Variants in GSK3B observed in about 807,000 individuals in gnomAD.
GSK3B encodes the protein glycogen synthase kinase-3 beta.
In GSK3B, 15 loss-of-function variants were observed where a neutral mutation model predicts 56.4. The observed-to-expected ratio is 0.27, with a 90% confidence interval of 0.18 to 0.41. The LOEUF (loss-of-function observed/expected upper bound fraction) is 0.41. Ranked by LOEUF, GSK3B falls within the 10% of genes least tolerant of loss-of-function variation. The pLI is 1.00. For synonymous variants in GSK3B, 181 were observed against 188.9 expected, an observed-to-expected ratio of 0.96 and a Z score of 0.34; for missense variants, 300 against 513.4, an observed-to-expected ratio of 0.58 and a Z score of 4.02.
intron 1 of GSK3B, among the ~76,000 whole-genome samples, chr3:120,051,152 GAA>G (rs111274518): frequency 0.025 from 3,759 of 147,532 alleles, 164 homozygotes; most frequent in African/African-American, 0.088. Context: ...TAATGATGGA[GAA>G]AAAAATCAGT....
chr3:119,852,095 T>C (rs956828783), intron 9 of GSK3B, among the ~76,000 whole-genome samples: 2 of 152,150 alleles, frequency 1.3e-5, no homozygotes, highest in African/African-American at 2.4e-5. Flanking sequence ...ATCAGACAAA[T>C]AGTAAGCAAA....
In GSK3B at chr3:119,825,506, T is replaced by C. The variant is rs1402904487; in HGVS notation, c.*1282A>G. On this transcript the variant is annotated 3_prime_UTR_variant, in exon 11 of 11. Transcript: ENST00000264235. ...AAAAAGGCAGTATTGAATATATGTA[T>C]ATATAACATATATACACACATTTAT... is the stretch of plus-strand genomic sequence containing the variant. The C allele has an allele frequency of 8.8e-6, 2 of 227,150 alleles. No homozygotes were observed. Among genetic ancestry groups the C allele is most frequent in the African/African-American group, 4.4e-5 (2 of 44,990 alleles). The allele number at this position is 227,150 out of a possible 1,614,324, so 14.1% of individuals were successfully genotyped here.
chr3:119,995,527 C>T (rs960516882), intron 2 of GSK3B, among the ~76,000 whole-genome samples: 1 of 151,328 alleles, frequency 6.6e-6, no homozygotes, highest in Non-Finnish European at 1.5e-5. Flanking sequence ...TGCAGTGGCG[C>T]GATCTCAGCT....
chr3:119,874,236 A>T (rs2056281132), intron 8 of GSK3B, among the ~76,000 whole-genome samples: 1 of 152,048 alleles, frequency 6.6e-6, no homozygotes. Flanking sequence ...TCTACAGGGG[A>T]TATGTCCCCA....
intron 3 of GSK3B, among the ~76,000 whole-genome samples, chr3:119,937,310 A>C (rs141232019): frequency 9.7e-4 from 148 of 152,160 alleles, no homozygotes; most frequent in Middle Eastern, 3.4e-3. Flanking sequence ...CTTGGTAATG[A>C]ATGTGTTCTC....
intron 2 of GSK3B, among the ~76,000 whole-genome samples, chr3:119,987,533 T>C (rs967638204): frequency 1.3e-5 from 2 of 152,206 alleles, no homozygotes; most frequent in Non-Finnish European, 2.9e-5. Context: ...AAATTCTGTG[T>C]GTAAACATAT....
intron 2 of GSK3B, among the ~76,000 whole-genome samples, chr3:119,949,793 CAAAAAAA>C (rs927567102): frequency 4.8e-5 from 3 of 62,348 alleles, no homozygotes; most frequent in Admixed American, 3.9e-4. Context: ...GACTCCGTCT[CAAAAAAA>C]AAAAAAAAAA....
At chr3:120,020,916 G>A (rs960361584) in intron 1 of GSK3B, among the ~76,000 whole-genome samples, 2 of 152,186 alleles carry the variant, frequency 1.3e-5, no homozygotes, top group Non-Finnish European at 2.9e-5. Context: ...TTGCTGATAC[G>A]GAGAAAGTCT....
intron 2 of GSK3B, among the ~76,000 whole-genome samples, chr3:119,979,395 C>T (rs1325358948): frequency 6.6e-6 from 1 of 152,096 alleles, no homozygotes; most frequent in African/African-American, 2.4e-5. Flanking sequence ...TTCTTATCCC[C>T]CTGCATCTGC....
chr3:119,952,095 C>A lies in GSK3B; in HGVS notation c.283-4744G>T, dbSNP rs2057162529. ...ACACATATCAACATATGTGTAAAAGCAGAACTGGAAAAAGAGAAAGGAGAA... is the reference window on the plus strand; with the variant it reads ...ACACATATCAACATATGTGTAAAAGAAGAACTGGAAAAAGAGAAAGGAGAA... On this transcript the variant is annotated intron_variant, in intron 2 of 10. Coordinates refer to ENST00000264235, the MANE Select transcript of GSK3B (RefSeq NM_001146156.2). 2.0e-5 allele frequency among the ~76,000 whole-genome samples: 3 copies of A among 151,930 alleles called. No individual in the cohort carries two copies. In the South Asian group the frequency reaches 6.2e-4, roughly 32 times the overall value.
intron 1 of GSK3B, among the ~76,000 whole-genome samples, chr3:120,032,695 C>T (rs899596540): frequency 1.2e-4 from 18 of 151,732 alleles, no homozygotes; most frequent in African/African-American, 4.4e-4. Context: ...ATATACGTGG[C>T]TTGCAATATA....
At chr3:119,898,136 T>C (rs933183613) in intron 7 of GSK3B, among the ~76,000 whole-genome samples, 35 of 152,168 alleles carry the variant, frequency 2.3e-4, no homozygotes, top group African/African-American at 8.2e-4. Flanking sequence ...TAGCCTACAG[T>C]TGGGCAAAAT....
intron 7 of GSK3B, among the ~76,000 whole-genome samples, chr3:119,888,869 G>A (rs1409907606): frequency 6.6e-6 from 1 of 152,148 alleles, no homozygotes; most frequent in Admixed American, 6.6e-5. Context: ...TAGAGATAAG[G>A]ACTGAAATCC....
intron 2 of GSK3B, among the ~76,000 whole-genome samples, chr3:119,953,662 G>C (rs1192172815): frequency 3.9e-5 from 6 of 152,080 alleles, no homozygotes; most frequent in African/African-American, 1.4e-4. Flanking sequence ...ATTATCGCTA[G>C]ATGCTACTTC....
At chr3:119,947,514 T>A (rs2057112158) in intron 2 of GSK3B, among the ~76,000 whole-genome samples, 163 bp from the exon 3 acceptor site, 1 of 152,214 alleles carries the variant, frequency 6.6e-6, no homozygotes, top group South Asian at 2.1e-4. Context: ...AAAATATTTG[T>A]TACTAGTCCA....
At chr3:119,840,002 AGTTT>A (rs546806427) in intron 10 of GSK3B, among the ~76,000 whole-genome samples, 10 of 152,192 alleles carry the variant, frequency 6.6e-5, no homozygotes, top group African/African-American at 2.4e-4. Context: ...ATAGTTTAAT[AGTTT>A]ATTTATTTAT....
intron 1 of GSK3B, among the ~76,000 whole-genome samples, chr3:120,033,224 G>GT (rs2057993006): frequency 6.6e-6 from 1 of 152,096 alleles, no homozygotes; most frequent in Admixed American, 6.6e-5. Context: ...TGGAAATCCC[G>GT]TATTTGATTT....
Position 119,905,859 on chromosome 3 carries a change from A to G in GSK3B, c.716-7T>C, listed in dbSNP as rs201848761. 6.6e-7 allele frequency: 1 copy of G among 1,525,242 alleles called. No homozygotes were observed. The highest frequency in any genetic ancestry group is 9.1e-7 in the Non-Finnish European group (1 of 1,099,328). The allele number at this position is 1,525,242 out of a possible 1,614,324, so 94.5% of individuals were successfully genotyped here. A position where few individuals can be genotyped will look rare whatever the true frequency, so the allele number is the denominator to read the frequency against. ...CAGCCAGCAGACCATACATCTAAAGAGAAAAGAAAACGAAGCCTTATTAAT... is the reference window on the plus strand; with the variant it reads ...CAGCCAGCAGACCATACATCTAAAGGGAAAAGAAAACGAAGCCTTATTAAT... On this transcript the variant is annotated splice_polypyrimidine_tract_variant and splice_region_variant and intron_variant, in intron 6 of 10. Coordinates refer to ENST00000264235, the MANE Select transcript of GSK3B (RefSeq NM_001146156.2).
intron 7 of GSK3B, among the ~76,000 whole-genome samples, chr3:119,903,896 T>C (rs563859261): frequency 7.3e-4 from 111 of 152,206 alleles, no homozygotes; most frequent in Non-Finnish European, 1.3e-3. Context: ...AAATGCTGAA[T>C]GGTTGTGTAA....
Sources: allele counts gnomAD v4.1 joint callset (sites outside exome capture counted in the v4.1 genomes callset), GRCh38; gene constraint gnomAD v4.1.1; transcripts MANE v1.5; gene names NCBI Gene and HGNC (gene_info 2026-07-23, HGNC 2026-07-21).